Variants in NUP35 observed in about 807,000 individuals in gnomAD.
The protein encoded by NUP35 is nucleoporin NUP35.
Under a neutral mutation model 41.5 loss-of-function variants are expected in NUP35, and 25 were observed. The ratio of observed to expected loss-of-function variants is 0.60; its 90% confidence interval spans 0.44 to 0.84. The LOEUF is 0.84. Among genes scored for constraint, NUP35 ranks in the 40% least tolerant of loss-of-function variants. The probability of loss-of-function intolerance (pLI) is 0.00; values close to 1 mark genes in which losing one functional copy is unlikely to be tolerated. For synonymous variants in NUP35, 149 were observed against 130.7 expected (o/e 1.14, Z -0.96); for missense variants, 396 against 396.6 (o/e 1.00, Z 0.01).
intron 2 of NUP35, among the ~76,000 whole-genome samples, chr2:183,130,015 A>T (rs1684641667): frequency 6.6e-6 from 1 of 152,218 alleles, no homozygotes; most frequent in Admixed American, 6.5e-5. Context: ...GAATCTACAG[A>T]CTGGAGCTGT....
At chr2:183,138,177 T>C (rs1270909293) in intron 4 of NUP35, among the ~76,000 whole-genome samples, 1 of 148,990 alleles carries the variant, frequency 6.7e-6, no homozygotes, top group Non-Finnish European at 1.5e-5. Context: ...TGGCCAATGA[T>C]AGGCAAGAAA....
upstream of NUP35, chr2:183,124,383 A>T (rs891737279): frequency 1.2e-6 from 2 of 1,613,412 alleles, no homozygotes; most frequent in Non-Finnish European, 1.7e-6. Flanking sequence ...GCACGCCGTT[A>T]CCCGTGGGGA....
At chr2:183,152,110 A>ACACACAC (rs1685486990) in intron 5 of NUP35, among the ~76,000 whole-genome samples, 8 of 113,390 alleles carry the variant, frequency 7.1e-5, no homozygotes, top group African/African-American at 1.2e-4. Context: ...AACATTTACA[A>ACACACAC]ACACACACAC....
chr2:183,120,675 C>T (rs1700055208), upstream of NUP35, among the ~76,000 whole-genome samples: 1 of 152,110 alleles, frequency 6.6e-6, no homozygotes, highest in Non-Finnish European at 1.5e-5. Flanking sequence ...TTCTATTTTA[C>T]AAACAATATA....
chr2:183,151,553 C>A lies in NUP35; in HGVS notation c.443C>A (p.Thr148Lys), dbSNP rs537852247. Residue 148 changes from threonine (T) to lysine (K), a missense_variant, in exon 5 of 9, where the codon ACG becomes AAG. Thr to Lys is a moderately conservative substitution (Grantham distance 78). Transcript: ENST00000295119. ...GCAAGTATCGGTCAGCCACGAAAGACGACATTATCTCCTGCCCAGTTGGAT... is the reference window on the plus strand; with the variant it reads ...GCAAGTATCGGTCAGCCACGAAAGAAGACATTATCTCCTGCCCAGTTGGAT... ...SPASIGQPRK[T>K]TLSPAQLDPF... is the part of the protein sequence containing the mutation. 1 of 1,613,966 alleles carries A rather than the reference C, an allele frequency of 6.2e-7. No homozygotes were observed. Among genetic ancestry groups the A allele is most frequent in the Non-Finnish European group, 8.5e-7 (1 of 1,179,864 alleles).
upstream of NUP35, among the ~76,000 whole-genome samples, chr2:183,122,664 G>C (rs1168580436): frequency 6.6e-6 from 1 of 151,782 alleles, no homozygotes; most frequent in Non-Finnish European, 1.5e-5. Flanking sequence ...AGAGAAGTGG[G>C]GTCTCACTAT....
chr2:183,135,242 C>G (rs1256633907), intron 4 of NUP35, among the ~76,000 whole-genome samples: 1 of 152,178 alleles, frequency 6.6e-6, no homozygotes, highest in Non-Finnish European at 1.5e-5. Context: ...GGGACCTACC[C>G]AGCTTATTCC....
Position 183,130,506 on chromosome 2 carries a change from C to G in NUP35, c.300C>G (p.Ser100Arg). Residue 100 changes from serine to arginine, a missense_variant, in exon 3 of 9, where the codon AGC becomes AGG. By Grantham distance (110) the Ser-to-Arg change is moderately radical. Transcript: ENST00000295119. ...GAAGTATATATGATGACATTTCTAG[C>G]CCAGGACTTGGATCAACACCTTTAA... ...PVRSIYDDIS[S>R]PGLGSTPLTS... 1.2e-6 allele frequency: 2 copies of G among 1,612,730 alleles called. No individual in the cohort carries two copies. Among genetic ancestry groups the G allele is most frequent in the East Asian group, 2.2e-5 (1 of 44,834 alleles).
chr2:183,138,269 A>ATATATTTT, intron 4 of NUP35, among the ~76,000 whole-genome samples: 24 of 80,688 alleles, frequency 3.0e-4, no homozygotes, highest in African/African-American at 1.4e-3. Flanking sequence ...ATATATATAT[A>ATATATTTT]TTTTTTTTTT....
intron 4 of NUP35, among the ~76,000 whole-genome samples, chr2:183,142,831 G>C (rs549368550): frequency 1.3e-4 from 20 of 151,146 alleles, no homozygotes; most frequent in African/African-American, 4.8e-4. Flanking sequence ...CCTTTTTGTT[G>C]TTGTCCTTTG....
At chr2:183,152,054 G>A (rs1685483950) in intron 5 of NUP35, among the ~76,000 whole-genome samples, 2 of 145,456 alleles carry the variant, frequency 1.4e-5, no homozygotes, top group Admixed American at 1.4e-4. Flanking sequence ...CTAGTGACTG[G>A]TTCTCTACAT....
intron 5 of NUP35, 105 bp downstream of exon 5, chr2:183,151,754 C>A: frequency 1.0e-6 from 1 of 979,028 alleles, no homozygotes; most frequent in Non-Finnish European, 1.5e-6. Flanking sequence ...AGCAAACACC[C>A]ATATTACTAC....
intron 4 of NUP35, among the ~76,000 whole-genome samples, chr2:183,149,913 T>A (rs1438132061): frequency 6.6e-6 from 1 of 152,078 alleles, no homozygotes; most frequent in South Asian, 2.1e-4. Flanking sequence ...TTTTTTTAAT[T>A]TTTTTATTTT....
At chr2:183,141,934 CT>C (rs1375836256) in intron 4 of NUP35, among the ~76,000 whole-genome samples, 5 of 152,156 alleles carry the variant, frequency 3.3e-5, no homozygotes, top group African/African-American at 9.7e-5. Flanking sequence ...ATTTAAGTAG[CT>C]TTCTAAAAAA....
chr2:183,139,088 A>G (rs1354054211), intron 4 of NUP35, among the ~76,000 whole-genome samples: 1 of 152,220 alleles, frequency 6.6e-6, no homozygotes, highest in African/African-American at 2.4e-5. Flanking sequence ...AGGACCTAAC[A>G]TTAATCCTGT....
chr2:183,158,705 C>A (rs1685763004), intron 7 of NUP35, among the ~76,000 whole-genome samples: 2 of 152,106 alleles, frequency 1.3e-5, no homozygotes, highest in Non-Finnish European at 2.9e-5. Flanking sequence ...GGTCTCTTGA[C>A]TACTAATCCA....
At chr2:183,145,678 G>C (rs897077875) in intron 4 of NUP35, among the ~76,000 whole-genome samples, 1 of 152,030 alleles carries the variant, frequency 6.6e-6, no homozygotes, top group African/African-American at 2.4e-5. Context: ...ACAAGACTTA[G>C]GTGTTACTCC....
rs183515909 is a variant in NUP35, at chr2:183,144,237, A to G, written c.398-7271A>G. Among the ~76,000 whole-genome samples the G allele has an allele frequency of 6.6e-5, 10 of 152,334 alleles. No homozygotes were observed. The East Asian group carries it at 1.2e-3, about 18-fold the overall frequency. On this transcript the variant is annotated intron_variant, in intron 4 of 8. Transcript: ENST00000295119. ...ATCCTCCCAGCGTCAATGTATGGCA[A>G]TATACATGGAGTACTACCAACTAGG...
In NUP35 at chr2:183,142,607, A is replaced by G. The variant is rs140287283; in HGVS notation, c.398-8901A>G. 2.4e-3 allele frequency among the ~76,000 whole-genome samples: 357 copies of G among 151,578 alleles called. 3 individuals are homozygous for G. The highest frequency in any genetic ancestry group is 8.3e-3 in the African/African-American group (341 of 41,210). On this transcript the variant is annotated intron_variant, in intron 4 of 8. Transcript: ENST00000295119. ...GTGATTCTTCTGCCTCAGCCTCCCA[A>G]GTAGCTGGGACTACAGATGTGCACC...
Sources: gnomAD v4.1 joint callset for allele counts (sites outside exome capture counted in the v4.1 genomes callset) on GRCh38, gnomAD v4.1.1 for gene constraint, MANE v1.5 for transcripts, NCBI Gene and HGNC (gene_info 2026-07-23, HGNC 2026-07-21) for gene names.